MLKL: variants seen among roughly 807,000 people sequenced by gnomAD.
MLKL encodes mixed lineage kinase domain like pseudokinase, also known as mixed lineage kinase domain-like protein.
Under a neutral mutation model 56.5 loss-of-function variants are expected in MLKL, and 55 were observed. The ratio of observed to expected loss-of-function variants is 0.97; its 90% CI spans 0.78 to 1.22. MLKL has a LOEUF of 1.22. MLKL is among the 50% of genes most tolerant of loss of function. MLKL has a pLI of 0.00. For missense variants in MLKL, 694 were observed against 573.9 expected (o/e 1.21, Z -2.14); for synonymous variants, 251 against 208.3 (o/e 1.20, Z -1.76).
chr16:74,684,619 C>T (rs985135225), intron 5 of MLKL, among the ~76,000 whole-genome samples: 6 of 151,248 alleles, frequency 4.0e-5, no homozygotes, highest in African/African-American at 9.7e-5. Flanking sequence ...CTCAGCCTCC[C>T]GAGTAGCTGG....
At chr16:74,683,906 C>G (rs571029282) in intron 5 of MLKL, among the ~76,000 whole-genome samples, 61 of 152,206 alleles carry the variant, frequency 4.0e-4, no homozygotes, top group Non-Finnish European at 7.2e-4. Flanking sequence ...CCTCAGCGGT[C>G]CCCAAGGAGA....
At chr16:74,674,647 T>A (rs1959468236) in intron 10 of MLKL, among the ~76,000 whole-genome samples, 1 of 152,116 alleles carries the variant, frequency 6.6e-6, no homozygotes, top group African/African-American at 2.4e-5. Flanking sequence ...TTCACCATGT[T>A]GGCCAGGCTG....
intron 2 of MLKL, among the ~76,000 whole-genome samples, chr16:74,693,422 C>G (rs1461113364): frequency 7.7e-6 from 1 of 129,356 alleles, no homozygotes; most frequent in Non-Finnish European, 1.5e-5. Flanking sequence ...GAGCCAAGAT[C>G]GTGTCACTGC....
chr16:74,675,792 A>G (rs1191045199), intron 7 of MLKL, 28 bp from the exon 8 acceptor site: 1 of 1,611,946 alleles, frequency 6.2e-7, no homozygotes, highest in Admixed American at 1.7e-5. Flanking sequence ...TTAGAAAGAA[A>G]CAAGCAAGAT....
intron 5 of MLKL, among the ~76,000 whole-genome samples, chr16:74,683,538 G>A (rs145488638): frequency 3.6e-3 from 538 of 147,852 alleles, no homozygotes; most frequent in Non-Finnish European, 6.0e-3. Flanking sequence ...GGAAGCTGCA[G>A]TAAGCATATT....
chr16:74,679,910 G>A (rs1015329191), intron 6 of MLKL, among the ~76,000 whole-genome samples: 3 of 152,186 alleles, frequency 2.0e-5, no homozygotes, highest in Non-Finnish European at 4.4e-5. Flanking sequence ...GATGGCGAAG[G>A]AGAAGAAATC....
intron 4 of MLKL, among the ~76,000 whole-genome samples, chr16:74,687,722 G>A (rs1960417856): frequency 6.6e-6 from 1 of 152,046 alleles, no homozygotes; most frequent in Non-Finnish European, 1.5e-5. Flanking sequence ...AGGCTGGAGT[G>A]CAGCGATGCA....
Position 74,672,342 on chromosome 16 carries a change from G to A in MLKL, c.*162C>T, listed in dbSNP as rs1393711968. ...GGAAATATCATTTGGAGTGGGATGT[G>A]TCCTGTATGACTGGAATCGTTTTCT... On this transcript the variant is annotated 3_prime_UTR_variant, in exon 11 of 11. Coordinates refer to ENST00000308807, the MANE Select transcript of MLKL (RefSeq NM_152649.4). 6 of 663,444 alleles carry A rather than the reference G, an allele frequency of 9.0e-6. No homozygotes were observed. The highest frequency in any genetic ancestry group is 7.5e-5 in the East Asian group (3 of 39,966). The allele number at this position is 663,444 out of a possible 1,614,324, so 41.1% of individuals were successfully genotyped here.
intron 6 of MLKL, among the ~76,000 whole-genome samples, chr16:74,680,091 A>T (rs1959847240): frequency 6.6e-6 from 1 of 152,198 alleles, no homozygotes; most frequent in African/African-American, 2.4e-5. Context: ...ACAGATGGAT[A>T]TAAAACTCGT....
In MLKL at chr16:74,678,996, G is replaced by A. The variant is rs748284274; in HGVS notation, c.957-16C>T. Reference sequence around the variant, plus strand: ...ATGGTGTAGCCTGACACAGCCAAAGGCGGGGAGCATAAGTACCTTTGCCCA... The same window carrying A: ...ATGGTGTAGCCTGACACAGCCAAAGACGGGGAGCATAAGTACCTTTGCCCA... On this transcript the variant is annotated splice_polypyrimidine_tract_variant and intron_variant, in intron 6 of 10. Coordinates refer to ENST00000308807, the MANE Select transcript of MLKL (RefSeq NM_152649.4). 1.9e-6 allele frequency: 3 copies of A among 1,610,488 alleles called. No homozygotes were observed. The highest frequency in any genetic ancestry group is 2.5e-6 in the Non-Finnish European group (3 of 1,178,214).
rs767255614 is a variant in MLKL at position 74,682,649 on chromosome 16, AC to A, written c.956+1del. 2 of 1,613,768 alleles carry A rather than the reference AC, an allele frequency of 1.2e-6. No homozygotes were observed. The highest frequency in any genetic ancestry group is 2.7e-5 in the African/African-American group (2 of 74,902). On this transcript the variant is annotated splice_donor_variant, in intron 6 of 10. Coordinates refer to ENST00000308807, the MANE Select transcript of MLKL (RefSeq NM_152649.4). LOFTEE classifies it high-confidence loss of function. The stretch of plus-strand genomic sequence containing the variant: ...TAGTGGCGCCTTTTCACCCCGTCTT[AC>A]CGGTATAGGCCTCGGGCTGCCCCCA...
intron 2 of MLKL, among the ~76,000 whole-genome samples, chr16:74,694,225 G>C (rs936608834): frequency 2.0e-5 from 3 of 152,164 alleles, no homozygotes; most frequent in Non-Finnish European, 4.4e-5. Context: ...TTGTGTGATT[G>C]TATCTCAGAT....
chr16:74,688,046 G>A (rs777833547), intron 4 of MLKL, among the ~76,000 whole-genome samples: 51 of 152,164 alleles, frequency 3.4e-4, no homozygotes, highest in Non-Finnish European at 6.8e-4. Context: ...GGATGGTCTT[G>A]ATCTCCTGAC....
intron 10 of MLKL, among the ~76,000 whole-genome samples, chr16:74,674,225 ACT>A (rs1474742410): frequency 6.8e-6 from 1 of 146,018 alleles, no homozygotes; most frequent in African/African-American, 2.6e-5. Flanking sequence ...CGTGATCCTG[ACT>A]CTGCAACCTC....
chr16:74,695,447 T>C lies in MLKL; in HGVS notation c.311A>G (p.Lys104Arg). The change falls in exon 2 of 11, where the codon AAG (lysine) becomes AGG (arginine). Residue 104 changes from lysine to arginine, a missense_variant. Coordinates refer to ENST00000308807, the MANE Select transcript of MLKL (RefSeq NM_152649.4). ...GAGCTCCTTCCAGACATCACTCAGC[T>C]TCCTGTTCACGTCCTTGAAGAGTAT... ...DKILFKDVNR[K>R]LSDVWKELSL... The C allele has an allele frequency of 6.2e-7, 1 of 1,614,230 alleles. No homozygotes were observed. Among genetic ancestry groups the C allele is most frequent in the Non-Finnish European group, 8.5e-7 (1 of 1,180,048 alleles).
Position 74,695,665 on chromosome 16 carries a change from C to A in MLKL, c.93G>T (p.Leu31=), listed in dbSNP as rs765783358. The A allele has an allele frequency of 1.2e-6, 2 of 1,614,162 alleles. No individual in the cohort carries two copies. Among genetic ancestry groups the A allele is most frequent in the East Asian group, 4.5e-5 (2 of 44,884 alleles). ...MKYCKKQCRR[L]GHRVLGLIKP... ...TGATCAGGCCGAGGACGCGGTGGCC[C>A]AGGCGCCGGCACTGTTTCTTGCAGT... Residue 31 remains leucine, a synonymous_variant, in exon 2 of 11, where the codon CTG becomes CTT. Transcript: ENST00000308807.
chr16:74,693,953 A>C (rs1960855384), intron 2 of MLKL, among the ~76,000 whole-genome samples: 1 of 152,184 alleles, frequency 6.6e-6, no homozygotes, highest in African/African-American at 2.4e-5. Context: ...AATGGGAAAA[A>C]ATGATGGGTG....
At chr16:74,684,419 T>A (rs1472230854) in intron 5 of MLKL, among the ~76,000 whole-genome samples, 5 of 117,128 alleles carry the variant, frequency 4.3e-5, no homozygotes, top group African/African-American at 1.0e-4. Context: ...TGCAGTCACA[T>A]TGGGAAAAAA....
rs145199275 is a variant in MLKL, at chr16:74,674,974, C to A, written c.1367G>T (p.Arg456Leu). ...AAGAACCCTACCATCCACAGAGGGC[C>A]GCACAGAGGGATCATGGGCCCGGCA... The part of the protein sequence containing the change: ...DECRAHDPSV[R>L]PSVDEILKKL... The change falls in exon 10 of 11, where the codon CGG (arginine) becomes CTG (leucine). Residue 456 changes from arginine to leucine, a missense_variant. Transcript: ENST00000308807. The A allele has an allele frequency of 3.1e-5, 50 of 1,614,006 alleles. No homozygotes were observed. Among genetic ancestry groups the A allele is most frequent in the East Asian group, 6.7e-5 (3 of 44,896 alleles).
Sources: allele counts gnomAD v4.1 joint callset (sites outside exome capture counted in the v4.1 genomes callset), GRCh38; gene constraint gnomAD v4.1.1; transcripts MANE v1.5; gene names NCBI Gene and HGNC (gene_info 2026-07-23, HGNC 2026-07-21).